ASB9: variants seen among roughly 807,000 people sequenced by gnomAD.
ASB9 encodes the protein ankyrin repeat and SOCS box protein 9.
In ASB9, 5 loss-of-function variants were observed where a neutral mutation model predicts 16.6. The ratio of observed to expected loss-of-function variants is 0.30; its 90% confidence interval spans 0.16 to 0.63. The LOEUF (loss-of-function observed/expected upper bound fraction) is 0.63, where lower values mean the gene tolerates loss of function less well. Ranked by LOEUF, ASB9 falls within the 30% of genes least tolerant of loss-of-function variation. The pLI is 0.82. For synonymous variants in ASB9, 100 were observed against 86.4 expected (o/e 1.16, Z -0.87); for missense variants, 216 against 229.4 (o/e 0.94, Z 0.38).
intron 6 of ASB9, among the ~76,000 whole-genome samples, chrX:15,246,638 G>A (rs1490495133): frequency 1.8e-5 from 2 of 110,939 alleles, no homozygotes; most frequent in Non-Finnish European, 3.8e-5. Flanking sequence ...ACCACGCCCG[G>A]CTAATTTTTT....
intron 6 of ASB9, among the ~76,000 whole-genome samples, chrX:15,247,166 C>T (rs1045424723): frequency 3.6e-5 from 4 of 111,277 alleles, no homozygotes; most frequent in African/African-American, 1.3e-4. Context: ...GTCTAGTTTT[C>T]TGCACTTTCC....
intron 1 of ASB9, among the ~76,000 whole-genome samples, chrX:15,267,425 T>TTAAAAAAAAAAAAAAAAAA (rs377056337): frequency 5.5e-4 from 48 of 87,631 alleles, no homozygotes; most frequent in African/African-American, 1.9e-3. Context: ...AAAATATATA[T>TTAAAAAAAAAAAAAAAAAA]ATATATATAA....
rs1322380461 is a variant in ASB9 at position 15,252,245 on chromosome X, C to T, written c.433+9G>A. The T allele has an allele frequency of 1.7e-6, 2 of 1,184,146 alleles. No individual in the cohort carries two copies. The highest frequency in any genetic ancestry group is 6.0e-5 in the East Asian group (2 of 33,387). On this transcript the variant is annotated intron_variant, in intron 4 of 6. Coordinates refer to ENST00000380488, the MANE Select transcript of ASB9 (RefSeq NM_001031739.3). ...AGTGGGTAGAAAAAAAAATTCTCAACAGATTTACCTCTCCTAGCAGCTTCA... is the reference window on the plus strand; with the variant it reads ...AGTGGGTAGAAAAAAAAATTCTCAATAGATTTACCTCTCCTAGCAGCTTCA...
rs374177117 is a variant in ASB9, at chrX:15,244,547, C to G, written c.844G>C (p.Val282Leu). ...AACTGTTTCAGATCCTCTGGGAGGA[C>G]GAGTTTGGTTATCTTATGATGCTGC... is the stretch of plus-strand genomic sequence containing the variant. The part of the protein sequence containing the change: ...IQQHHKITKL[V>L]LPEDLKQFLL... The change falls in exon 7 of 7, where the codon GTC (valine) becomes CTC (leucine). Residue 282 changes from valine (V) to leucine (L), a missense_variant. By Grantham distance (32) the Val-to-Leu change is conservative (BLOSUM62 1). Transcript: ENST00000380488. 3 of 1,196,208 alleles carry G rather than the reference C, an allele frequency of 2.5e-6. No homozygotes were observed. In the Admixed American group the frequency reaches 6.5e-5, roughly 26 times the overall value.
At chrX:15,252,449 T>G (rs1925201969) in intron 3 of ASB9, 45 bp from the exon 4 acceptor site, 1 of 1,133,239 alleles carries the variant, frequency 8.8e-7, no homozygotes, top group Non-Finnish European at 1.2e-6. Context: ...GGGGATGTTT[T>G]GGGTTCAAAT....
chrX:15,267,425 T>TTTAAAAAA (rs377056337), intron 1 of ASB9, among the ~76,000 whole-genome samples: 31 of 87,583 alleles, frequency 3.5e-4, no homozygotes, highest in South Asian at 1.1e-3. Context: ...AAAATATATA[T>TTTAAAAAA]ATATATATAA....
intron 2 of ASB9, among the ~76,000 whole-genome samples, chrX:15,257,411 AT>A (rs1477912036): frequency 4.5e-5 from 5 of 110,090 alleles, no homozygotes; most frequent in East Asian, 2.8e-4. Flanking sequence ...TCTCAAAAAA[AT>A]AATAATAATA....
At chrX:15,250,210 C>CA (rs758862010) in intron 5 of ASB9, among the ~76,000 whole-genome samples, 23,333 of 102,723 alleles carry the variant, frequency 0.23, 3,725 homozygotes, top group African/African-American at 0.51. Context: ...CATCATCATC[C>CA]TCCTCCTCCT....
intron 1 of ASB9, among the ~76,000 whole-genome samples, chrX:15,262,619 T>C (rs1356443967): frequency 8.9e-6 from 1 of 112,961 alleles, no homozygotes; most frequent in Non-Finnish European, 1.9e-5. Flanking sequence ...TTTAACATTT[T>C]TCTTTGTGTG....
intron 4 of ASB9, among the ~76,000 whole-genome samples, chrX:15,251,176 A>G (rs760501767): frequency 8.9e-6 from 1 of 112,237 alleles, no homozygotes; most frequent in Non-Finnish European, 1.9e-5. Context: ...TAGTTTGTCT[A>G]AGTACAGAAA....
chrX:15,255,022 G>A, intron 2 of ASB9, among the ~76,000 whole-genome samples, 178 bp from the exon 3 acceptor site: 1 of 110,938 alleles, frequency 9.0e-6, no homozygotes, highest in African/African-American at 3.3e-5. Flanking sequence ...TGGGAGTGTG[G>A]TATGGTATAA....
At chrX:15,265,697 A>G (rs1460777228) in intron 1 of ASB9, among the ~76,000 whole-genome samples, 1 of 109,956 alleles carries the variant, frequency 9.1e-6, no homozygotes, top group Non-Finnish European at 1.9e-5. Flanking sequence ...GTACAGTGGC[A>G]TGATCTCAGC....
At chrX:15,261,812 A>G (rs1925989020) in intron 1 of ASB9, among the ~76,000 whole-genome samples, 1 of 112,267 alleles carries the variant, frequency 8.9e-6, no homozygotes, top group African/African-American at 3.2e-5. Flanking sequence ...CATACCATAC[A>G]ATACACCCAT....
chrX:15,269,320 T>G (rs948530397), intron 1 of ASB9, among the ~76,000 whole-genome samples: 1 of 112,014 alleles, frequency 8.9e-6, no homozygotes, highest in African/African-American at 3.3e-5. Context: ...TCCAATGTTT[T>G]AAGTAAAACA....
Position 15,248,831 on chromosome X carries a change from T to C in ASB9, c.673A>G (p.Thr225Ala). ...TTGCCTTCAGCATTCTTGGCCTGGG[T>C]GTCCGCTCCAAAATCCATGAGCAGG... The part of the protein sequence containing the change: ...ACLLMDFGAD[T>A]QAKNAEGKRP... The change falls in exon 6 of 7, where the codon ACC (threonine) becomes GCC (alanine). Residue 225 changes from threonine (T) to alanine (A), a missense_variant. By Grantham distance (58) the Thr-to-Ala change is moderately conservative. Coordinates refer to ENST00000380488, the MANE Select transcript of ASB9 (RefSeq NM_001031739.3). The C allele has an allele frequency of 8.3e-7, 1 of 1,211,758 alleles. No homozygotes were observed. Among genetic ancestry groups the C allele is most frequent in the Non-Finnish European group, 1.1e-6 (1 of 895,442 alleles).
chrX:15,267,425 T>TAA (rs1555934622), intron 1 of ASB9, among the ~76,000 whole-genome samples: 1 of 87,655 alleles, frequency 1.1e-5, no homozygotes. Context: ...AAAATATATA[T>TAA]ATATATATAA....
At chrX:15,259,601 A>G (rs962337157) in intron 1 of ASB9, among the ~76,000 whole-genome samples, 5 of 112,501 alleles carry the variant, frequency 4.4e-5, no homozygotes, top group Admixed American at 9.4e-5. Context: ...GGGTCCCGGG[A>G]AAGGCCCAGT....
At chrX:15,270,330 C>G (rs1926882470), upstream of ASB9, 1 of 113,736 alleles carries the variant, frequency 8.8e-6, no homozygotes, top group East Asian at 2.8e-4. Context: ...GTTGTTCACC[C>G]TGCTGAGATC....
At chrX:15,263,888 G>T (rs763855128) in intron 1 of ASB9, among the ~76,000 whole-genome samples, 2 of 111,490 alleles carry the variant, frequency 1.8e-5, no homozygotes, top group Non-Finnish European at 3.8e-5. Flanking sequence ...ACTAACACTG[G>T]GAACAGTGAT....
Sources: allele counts gnomAD v4.1 joint callset (sites outside exome capture counted in the v4.1 genomes callset), GRCh38; gene constraint gnomAD v4.1.1; transcripts MANE v1.5; gene names NCBI Gene and HGNC (gene_info 2026-07-23, HGNC 2026-07-21).